DTNA: variants seen among roughly 807,000 people sequenced by gnomAD.
DTNA encodes the protein dystrobrevin alpha, also known as dystrophin-related protein 3.
A neutral mutation model predicts 100.7 loss-of-function variants in DTNA; 43 were observed. The ratio of observed to expected loss-of-function variants is 0.43; its 90% CI spans 0.33 to 0.55. DTNA has a LOEUF of 0.55. Among genes scored for constraint, DTNA ranks in the 20% least tolerant of loss-of-function variants. The pLI is 0.04. For synonymous variants in DTNA, 349 were observed against 347.9 expected (o/e 1.00, Z -0.04); for missense variants, 798 against 953.9 (o/e 0.84, Z 2.15).
At chr18:34,605,100 A>T (rs1211449317) in intron 1 of DTNA, among the ~76,000 whole-genome samples, 2 of 151,262 alleles carry the variant, frequency 1.3e-5, no homozygotes, top group African/African-American at 2.4e-5. Context: ...TTTGTCTCAA[A>T]CATTTAGAAA....
At chr18:34,800,097 C>G (rs968016412) in intron 4 of DTNA, among the ~76,000 whole-genome samples, 3 of 152,328 alleles carry the variant, frequency 2.0e-5, no homozygotes, top group Middle Eastern at 3.4e-3. Flanking sequence ...CTAAAAGAAA[C>G]AGCCATAAAG....
intron 9 of DTNA, among the ~76,000 whole-genome samples, chr18:34,826,646 C>T (rs9675520): frequency 0.1 from 15,767 of 152,120 alleles, 1,050 homozygotes; most frequent in South Asian, 0.16. Context: ...CTGTCAAACT[C>T]AAATATAGAA....
chr18:34,756,418 G>A (rs150961196), intron 2 of DTNA, among the ~76,000 whole-genome samples: 1 of 152,206 alleles, frequency 6.6e-6, no homozygotes, highest in East Asian at 1.9e-4. Flanking sequence ...CTGGCATATT[G>A]TAGGCACTAG....
chr18:34,634,713 A>G (rs2058473214), intron 1 of DTNA, among the ~76,000 whole-genome samples: 1 of 152,200 alleles, frequency 6.6e-6, no homozygotes, highest in African/African-American at 2.4e-5. Flanking sequence ...AAATTTAATT[A>G]ACAAATATAA....
intron 1 of DTNA, among the ~76,000 whole-genome samples, chr18:34,584,896 G>T (rs111967975): frequency 6.6e-6 from 1 of 151,952 alleles, no homozygotes; most frequent in African/African-American, 2.4e-5. Context: ...AAAATGAATC[G>T]GGAAACAAAA....
intron 1 of DTNA, among the ~76,000 whole-genome samples, chr18:34,680,485 A>G (rs1400446297): frequency 1.3e-5 from 2 of 152,188 alleles, no homozygotes; most frequent in African/African-American, 2.4e-5. Context: ...GAACACCAGC[A>G]TATACCTATG....
Position 34,597,969 on chromosome 18 carries a change from C to T in DTNA, c.-2+104455C>T, listed in dbSNP as rs1374309142. ...TTTTTTATTCTCAGTCACTGACACA[C>T]AGGAACCACTCAAAAAAATGTTTAA... On this transcript the variant is annotated intron_variant, in intron 1 of 19. Transcript: ENST00000283365. Among the ~76,000 whole-genome samples the T allele has an allele frequency of 3.3e-5, 5 of 152,304 alleles. No individual in the cohort carries two copies. The South Asian group carries it at 6.2e-4, about 19-fold the overall frequency.
rs766539608 is a variant in DTNA at position 34,882,182 on chromosome 18, T to C, written c.2276T>C (p.Leu759Pro). 20 of 1,613,878 alleles carry C rather than the reference T, an allele frequency of 1.2e-5. No individual in the cohort carries two copies. The highest frequency in any genetic ancestry group is 1.7e-5 in the Non-Finnish European group (20 of 1,179,980). Residue 759 changes from leucine (L) to proline (P), a missense_variant, in exon 21 of 23, where the codon CTG (leucine) becomes CCG (proline). Leu to Pro is a moderately conservative substitution (Grantham distance 98). Transcript: ENST00000444659. ...LQMEEYLKQK[L>P]QDEAYQVSLQ... ...ATGGAGGAATACCTGAAACAGAAGC[T>C]GCAAGATGAAGCTTATCAGGTACAG... is the stretch of plus-strand genomic sequence containing the variant.
chr18:34,554,542 A>T (rs2045819756), intron 1 of DTNA, among the ~76,000 whole-genome samples: 1 of 151,622 alleles, frequency 6.6e-6, no homozygotes, highest in Admixed American at 6.6e-5. Flanking sequence ...ATTTTGAAAT[A>T]TGTCCCATCA....
chr18:34,651,275 G>A (rs1295424617), intron 1 of DTNA, among the ~76,000 whole-genome samples: 1 of 152,076 alleles, frequency 6.6e-6, no homozygotes, highest in Non-Finnish European at 1.5e-5. Context: ...TTACTTATTA[G>A]CAATACCTTC....
chr18:34,509,741 T>G (rs182256581), intron 1 of DTNA, among the ~76,000 whole-genome samples: 221 of 152,234 alleles, frequency 1.5e-3, no homozygotes, highest in African/African-American at 5.2e-3. Flanking sequence ...TTTGTTTGCT[T>G]GTTTTGGATT....
intron 14 of DTNA, among the ~76,000 whole-genome samples, chr18:34,851,184 A>G (rs934208084): frequency 1.3e-4 from 20 of 152,062 alleles, no homozygotes; most frequent in African/African-American, 3.9e-4. Context: ...GCTCACTGCA[A>G]CCTCCACCTC....
chr18:34,664,045 C>T (rs1313412170), intron 1 of DTNA, among the ~76,000 whole-genome samples: 1 of 151,988 alleles, frequency 6.6e-6, no homozygotes, highest in African/African-American at 2.4e-5. Context: ...TTTTAAGGAA[C>T]AATCACTTGT....
chr18:34,774,735 G>A (rs956325104), intron 3 of DTNA, among the ~76,000 whole-genome samples: 13 of 152,104 alleles, frequency 8.5e-5, no homozygotes, highest in South Asian at 2.1e-4. Flanking sequence ...CTCACCTGTC[G>A]AAGAGTAAAG....
chr18:34,790,567 A>ATATATATATATATATTTTTTTTTTTT (rs2094687460), intron 3 of DTNA, among the ~76,000 whole-genome samples: 3 of 39,654 alleles, frequency 7.6e-5, no homozygotes, highest in Admixed American at 4.8e-4. Flanking sequence ...ATATATATAT[A>ATATATATATATATATTTTTTTTTTTT]TTTTTTTTTT....
At chr18:34,756,370 T>C (rs2092770061) in intron 2 of DTNA, among the ~76,000 whole-genome samples, 1 of 152,180 alleles carries the variant, frequency 6.6e-6, no homozygotes, top group Non-Finnish European at 1.5e-5. Flanking sequence ...CCACTAAACT[T>C]TAAAGTCTGT....
Position 34,718,702 on chromosome 18 carries a change from A to G in DTNA, c.-2+8257A>G, listed in dbSNP as rs1307438225. 2.0e-5 allele frequency among the ~76,000 whole-genome samples: 3 copies of G among 152,336 alleles called. No individual in the cohort carries two copies. The East Asian group carries it at 5.8e-4, about 29-fold the overall frequency. On this transcript the variant is annotated intron_variant, in intron 1 of 22. Coordinates refer to ENST00000444659, the MANE Select transcript of DTNA (RefSeq NM_001386795.1). ...GGAGTATGGTCTTGGTCATAAAGAA[A>G]TGAAAGGAGAAAGGTATTACTGAAG...
chr18:34,749,655 T>A (rs12963997), intron 1 of DTNA, among the ~76,000 whole-genome samples: 243 of 17,216 alleles, frequency 0.014, no homozygotes, highest in African/African-American at 0.026. Flanking sequence ...ATAATAATAA[T>A]AATAATAATA....
intron 14 of DTNA, among the ~76,000 whole-genome samples, chr18:34,850,568 A>G (rs1261189287): frequency 6.6e-6 from 1 of 152,246 alleles, no homozygotes; most frequent in African/African-American, 2.4e-5. Context: ...TGGACATTAA[A>G]AAGCAGGACA....
Sources: gnomAD v4.1 joint callset for allele counts (sites outside exome capture counted in the v4.1 genomes callset) on GRCh38, gnomAD v4.1.1 for gene constraint, MANE v1.5 for transcripts, NCBI Gene and HGNC (gene_info 2026-07-23, HGNC 2026-07-21) for gene names.